Variants in TSNAXIP1 observed in about 807,000 individuals in gnomAD.
TSNAXIP1 encodes the protein translin associated factor X interacting protein 1, also known as translin-associated factor X-interacting protein 1.
TSNAXIP1 carries 89 observed loss-of-function variants against 84.8 expected under a neutral mutation model. The ratio of observed to expected loss-of-function variants is 1.05; its 90% CI spans 0.88 to 1.25. TSNAXIP1 has a LOEUF of 1.25. Among genes scored for constraint, TSNAXIP1 ranks in the 50% most tolerant of loss-of-function variants. The pLI, the probability that TSNAXIP1 is intolerant of heterozygous loss-of-function variation, is 0.00. For missense variants in TSNAXIP1, 874 were observed against 887.6 expected (o/e 0.98, Z 0.20); for synonymous variants, 347 against 335.2 (o/e 1.04, Z -0.39).
chr16:67,810,833 G>T (rs1339110812), intron 1 of TSNAXIP1, among the ~76,000 whole-genome samples: 1 of 150,258 alleles, frequency 6.7e-6, no homozygotes, highest in Admixed American at 6.7e-5. Context: ...TCTGCCTCCC[G>T]GGTTCAAGCG....
Position 67,825,777 on chromosome 16 carries a change from G to A in TSNAXIP1, c.925G>A (p.Val309Met), listed in dbSNP as rs1215638573. Residue 309 changes from valine (V) to methionine (M), a missense_variant, in exon 8 of 16, where the codon GTG becomes ATG. Transcript: ENST00000561639. ...LNNMKANFGD[V>M]VPRRDFEMQE... ...CAACATGAAGGCCAACTTTGGAGAT[G>A]TGGTCCCCAGGAGGGACTTTGAAAT... 19 of 1,614,078 alleles carry A rather than the reference G, an allele frequency of 1.2e-5. No homozygotes were observed. The highest frequency in any genetic ancestry group is 2.2e-5 in the South Asian group (2 of 91,090).
Position 67,825,412 on chromosome 16 carries a change from C to G in TSNAXIP1, c.814+140C>G, listed in dbSNP as rs142902104. 1.5e-4 allele frequency: 187 copies of G among 1,258,188 alleles called. 2 individuals carry two copies. In the African/African-American group the frequency reaches 2.3e-3, roughly 16 times the overall value. The allele number at this position is 1,258,188 out of a possible 1,614,324, so 77.9% of individuals were successfully genotyped here. ...TTCAGAGGGGAGATGTCCCTGCCTCCCGCAGGGCTGTGTATCTTCTGAGTT... is the reference window on the plus strand; with the variant it reads ...TTCAGAGGGGAGATGTCCCTGCCTCGCGCAGGGCTGTGTATCTTCTGAGTT... On this transcript the variant is annotated intron_variant, in intron 7 of 15. Coordinates refer to ENST00000561639, the MANE Select transcript of TSNAXIP1 (RefSeq NM_001288990.3).
At chr16:67,820,778 A>C in intron 2 of TSNAXIP1, 61 bp from the exon 3 acceptor site, 1 of 1,251,488 alleles carries the variant, frequency 8.0e-7, no homozygotes, top group Non-Finnish European at 1.1e-6. Flanking sequence ...GGAGAGATGG[A>C]GAGAAACATT....
At chr16:67,826,392 G>C in intron 10 of TSNAXIP1, 45 bp from the exon 11 acceptor site, 3 of 1,609,840 alleles carry the variant, frequency 1.9e-6, no homozygotes, top group Non-Finnish European at 2.5e-6. Flanking sequence ...ATTGGGGGTG[G>C]GGCCACAGAT....
Position 67,826,294 on chromosome 16 carries a change from C to T in TSNAXIP1, c.1275+12C>T, listed in dbSNP as rs755856926. On this transcript the variant is annotated intron_variant, in intron 10 of 15. Transcript: ENST00000561639. Reference sequence around the variant, plus strand: ...TCTTCCCTGGTCTGGTAGGGGAGGCCCCAGGAGTGGGGCTTGGGCCAGAGT... The same window carrying T: ...TCTTCCCTGGTCTGGTAGGGGAGGCTCCAGGAGTGGGGCTTGGGCCAGAGT... 1 of 1,576,956 alleles carries T rather than the reference C, an allele frequency of 6.3e-7. No individual in the cohort carries two copies.
intron 1 of TSNAXIP1, among the ~76,000 whole-genome samples, chr16:67,810,242 A>C (rs1567735510): frequency 6.6e-6 from 1 of 152,064 alleles, no homozygotes; most frequent in Admixed American, 6.6e-5. Flanking sequence ...TAACCCTGGC[A>C]CTTGGTGGAT....
At chr16:67,812,774 A>T (rs1200236243) in intron 1 of TSNAXIP1, among the ~76,000 whole-genome samples, 14 of 151,816 alleles carry the variant, frequency 9.2e-5, no homozygotes, top group Non-Finnish European at 1.5e-4. Context: ...GAAACCAGAA[A>T]TAAATAAATA....
chr16:67,821,767 A>G (rs2057076065), intron 4 of TSNAXIP1, among the ~76,000 whole-genome samples: 1 of 152,018 alleles, frequency 6.6e-6, no homozygotes, highest in South Asian at 2.1e-4. Flanking sequence ...AGGCAGGAGG[A>G]TCGCTTGAGG....
rs150441387 is a variant in TSNAXIP1, at chr16:67,821,712, G to A, written c.387+487G>A. 8.1e-3 allele frequency among the ~76,000 whole-genome samples: 1,230 copies of A among 151,642 alleles called. 8 individuals carry two copies. The highest frequency in any genetic ancestry group is 0.023 in the African/African-American group (941 of 41,316). ...ATCCCATGAAAATGCCAGTGAGGCCGGGCACAGTGGCTCATGCCTGTAATC... is the reference window on the plus strand; with the variant it reads ...ATCCCATGAAAATGCCAGTGAGGCCAGGCACAGTGGCTCATGCCTGTAATC... On this transcript the variant is annotated intron_variant, in intron 4 of 15. Transcript: ENST00000561639.
rs772685165 is a variant in TSNAXIP1, at chr16:67,826,212, AGCTGGTGGACGT to A, written c.1209_1220del (p.Val404_Leu407del). The A allele has an allele frequency of 5.4e-5, 87 of 1,608,042 alleles. No individual in the cohort carries two copies. Among genetic ancestry groups the A allele is most frequent in the Non-Finnish European group, 7.1e-5 (83 of 1,176,302 alleles). ...CTGGCTGAGGGCAAGAACAGCGACC[AGCTGGTGGACGT>A]GCTCCTGGAAGAGATTGGTTCGGGG... On this transcript the variant is annotated inframe_deletion, in exon 10 of 16. Transcript: ENST00000561639.
chr16:67,812,771 G>GAAAT (rs1307724961), intron 1 of TSNAXIP1, among the ~76,000 whole-genome samples: 9 of 151,906 alleles, frequency 5.9e-5, no homozygotes, highest in Non-Finnish European at 1.0e-4. Context: ...TTTGAAACCA[G>GAAAT]AAATAAATAA....
In TSNAXIP1 at chr16:67,825,718, G is replaced by C; in HGVS notation, c.866G>C (p.Arg289Pro). The C allele has an allele frequency of 6.2e-7, 1 of 1,614,134 alleles. No homozygotes were observed. Among genetic ancestry groups the C allele is most frequent in the Non-Finnish European group, 8.5e-7 (1 of 1,180,020 alleles). ...VKLTLALKMT[R>P]QDLTRTQMEL... ...TTAACCCTGGCTCTTAAGATGACCC[G>C]GCAAGACCTGACCCGCACGCAGATG... The change falls in exon 8 of 16, where the codon CGG becomes CCG. Residue 289 changes from arginine to proline, a missense_variant. Transcript: ENST00000561639.
At chr16:67,825,581 A>G in intron 7 of TSNAXIP1, 86 bp from the exon 8 acceptor site, 1 of 1,510,606 alleles carries the variant, frequency 6.6e-7, no homozygotes, top group South Asian at 1.3e-5. Context: ...AGAACCAGGG[A>G]ACCCCAAACA....
chr16:67,821,444 C>T (rs1253201486), intron 4 of TSNAXIP1, among the ~76,000 whole-genome samples: 1 of 152,096 alleles, frequency 6.6e-6, no homozygotes, highest in Non-Finnish European at 1.5e-5. Flanking sequence ...GTAGTGGGCA[C>T]CTGTAGTCCC....
At chr16:67,811,041 C>T (rs947416068) in intron 1 of TSNAXIP1, among the ~76,000 whole-genome samples, 7 of 151,630 alleles carry the variant, frequency 4.6e-5, no homozygotes, top group African/African-American at 1.7e-4. Context: ...AGGCAGGTCT[C>T]GAACTCCTGG....
chr16:67,808,756 AAAG>A (rs1460483195), intron 1 of TSNAXIP1, among the ~76,000 whole-genome samples: 16 of 152,162 alleles, frequency 1.1e-4, no homozygotes, highest in Admixed American at 1.0e-3. Flanking sequence ...AAAAAAGAAA[AAAG>A]AAAAAAAAGG....
intron 5 of TSNAXIP1, 114 bp from the exon 6 acceptor site, chr16:67,824,469 C>A: frequency 1.0e-6 from 1 of 979,352 alleles, no homozygotes. Flanking sequence ...ACAAGGCATG[C>A]AGAGATTCTT....
intron 2 of TSNAXIP1, 53 bp downstream of exon 2, chr16:67,814,454 C>A: frequency 7.0e-7 from 1 of 1,428,938 alleles, no homozygotes; most frequent in Non-Finnish European, 9.5e-7. Context: ...AGACCCTATC[C>A]GTCTCCCTTC....
At chr16:67,807,965 G>A (rs2055625236) in intron 1 of TSNAXIP1, among the ~76,000 whole-genome samples, 1 of 152,050 alleles carries the variant, frequency 6.6e-6, no homozygotes, top group Non-Finnish European at 1.5e-5. Context: ...CCATACATAC[G>A]GATTAAAACA....
Sources: allele counts gnomAD v4.1 joint callset (sites outside exome capture counted in the v4.1 genomes callset), GRCh38; gene constraint gnomAD v4.1.1; transcripts MANE v1.5; gene names NCBI Gene and HGNC (gene_info 2026-07-23, HGNC 2026-07-21).